Variants in CASK observed in about 807,000 individuals in gnomAD.
CASK encodes peripheral plasma membrane protein CASK.
Under a neutral mutation model 82.9 loss-of-function variants are expected in CASK, and 4 were observed. That is an observed-to-expected ratio of 0.05 (90% CI 0.02 to 0.11). The LOEUF is 0.11. Among genes scored for constraint, CASK ranks in the 10% least tolerant of loss-of-function variants. The probability of loss-of-function intolerance (pLI) is 1.00; values close to 1 mark genes in which losing one functional copy is unlikely to be tolerated. For synonymous variants in CASK, 259 were observed against 253.5 expected, an observed-to-expected ratio of 1.02 and a Z score of -0.20; for missense variants, 358 against 720.9, an observed-to-expected ratio of 0.50 and a Z score of 5.76.
At chrX:41,570,014 T>TC (rs1461259514) in intron 15 of CASK, among the ~76,000 whole-genome samples, 14 of 91,084 alleles carry the variant, frequency 1.5e-4, no homozygotes, top group South Asian at 5.9e-4. Flanking sequence ...TTTTTTCTTT[T>TC]TTTTTTTTTT....
At chrX:41,866,650 T>C (rs1343107121) in intron 1 of CASK, among the ~76,000 whole-genome samples, 6 of 112,038 alleles carry the variant, frequency 5.4e-5, no homozygotes, top group Non-Finnish European at 9.4e-5. Context: ...TTATTCTGGC[T>C]AGCATTAGGA....
At chrX:41,862,542 G>GAAA (rs35462461) in intron 1 of CASK, among the ~76,000 whole-genome samples, 1 of 32,861 alleles carries the variant, frequency 3.0e-5, no homozygotes, top group Non-Finnish European at 5.1e-5. Flanking sequence ...CTCTGTCTCA[G>GAAA]AAAAAAAAAA....
At chrX:41,778,428 A>T (rs1352039609) in intron 3 of CASK, among the ~76,000 whole-genome samples, 2 of 110,463 alleles carry the variant, frequency 1.8e-5, no homozygotes, top group Admixed American at 1.9e-4. Flanking sequence ...ATAGGGTTTC[A>T]CCATGTTGGC....
Position 41,589,768 on chromosome X carries a change from G to A in CASK, c.1156-176C>T, listed in dbSNP as rs755750431. 6.9e-5 allele frequency: 30 copies of A among 433,638 alleles called. No homozygotes were observed. In the South Asian group the frequency reaches 9.7e-4, roughly 14 times the overall value. 35.7% of individuals were successfully genotyped at this position (433,638 alleles called of 1,213,427 possible). ...TGTTCTGTGAAACTTGTCAGAATAT[G>A]AGTCTTATGCATATCTTTTCAAAAA... On this transcript the variant is annotated intron_variant, in intron 12 of 26. Coordinates refer to ENST00000378163, the MANE Select transcript of CASK (RefSeq NM_001367721.1).
At chrX:41,693,243 C>T (rs971293132) in intron 5 of CASK, among the ~76,000 whole-genome samples, 4 of 111,303 alleles carry the variant, frequency 3.6e-5, no homozygotes, top group African/African-American at 1.3e-4. Flanking sequence ...TTTCCTTTTC[C>T]TGGTAATGCA....
chrX:41,540,511 G>A (rs1257685060), intron 22 of CASK, among the ~76,000 whole-genome samples: 1 of 112,543 alleles, frequency 8.9e-6, no homozygotes, highest in African/African-American at 3.2e-5. Flanking sequence ...TTTAGAATTA[G>A]AAAAGATCTC....
chrX:41,676,571 G>A (rs1373546533), intron 5 of CASK: 8 of 818,386 alleles, frequency 9.8e-6, no homozygotes, highest in Non-Finnish European at 1.4e-5. Flanking sequence ...GGCGCCGCTG[G>A]GCCGGGCCTG....
intron 12 of CASK, among the ~76,000 whole-genome samples, chrX:41,609,055 A>T (rs1431719386): frequency 2.7e-5 from 3 of 111,917 alleles, no homozygotes; most frequent in Non-Finnish European, 5.6e-5. Flanking sequence ...AGATATATAA[A>T]TTTTTTCCCA....
chrX:41,615,452 G>A (rs1290663435), intron 11 of CASK, among the ~76,000 whole-genome samples: 1 of 111,472 alleles, frequency 9.0e-6, no homozygotes, highest in Non-Finnish European at 1.9e-5. Context: ...ATCAACAACA[G>A]AATTAAATGA....
At chrX:41,818,489 G>A (rs2070459185) in intron 2 of CASK, among the ~76,000 whole-genome samples, 1 of 109,507 alleles carries the variant, frequency 9.1e-6, no homozygotes, top group Non-Finnish European at 1.9e-5. Flanking sequence ...TGTAGTTCCA[G>A]CTACTCGGGA....
intron 24 of CASK, among the ~76,000 whole-genome samples, chrX:41,533,898 T>C (rs2064840534): frequency 8.9e-6 from 1 of 111,761 alleles, no homozygotes; most frequent in Non-Finnish European, 1.9e-5. Context: ...CCTCAGGTGA[T>C]TCGCCCACCT....
In CASK at chrX:41,555,642, A is replaced by C; in HGVS notation, c.1807-7T>G. On this transcript the variant is annotated splice_polypyrimidine_tract_variant and splice_region_variant and intron_variant, in intron 19 of 26. Transcript: ENST00000378163. ...GGGTAGTTGATGGCAAGTCCTGTAGAATAAAGCCAACCCAGGAGAAAAATT... is the reference window on the plus strand; with the variant it reads ...GGGTAGTTGATGGCAAGTCCTGTAGCATAAAGCCAACCCAGGAGAAAAATT... 1.7e-6 allele frequency: 2 copies of C among 1,192,672 alleles called. No homozygotes were observed. Among genetic ancestry groups the C allele is most frequent in the Non-Finnish European group, 2.3e-6 (2 of 878,152 alleles).
At chrX:41,576,038 G>A (rs553485231) in intron 15 of CASK, among the ~76,000 whole-genome samples, 59 of 108,214 alleles carry the variant, frequency 5.5e-4, no homozygotes, top group Admixed American at 7.9e-4. Context: ...GCAGTGGCGC[G>A]ATCTCGGCTC....
intron 2 of CASK, among the ~76,000 whole-genome samples, chrX:41,827,079 T>C (rs866730973): frequency 8.9e-6 from 1 of 112,072 alleles, no homozygotes; most frequent in African/African-American, 3.2e-5. Flanking sequence ...AGAGATACCA[T>C]ATAAAATTGA....
At chrX:41,591,498 G>A (rs1054751811) in intron 12 of CASK, among the ~76,000 whole-genome samples, 41 of 109,224 alleles carry the variant, frequency 3.8e-4, no homozygotes, top group Admixed American at 2.7e-3. Flanking sequence ...TTTTTGAGGC[G>A]GAGTCTCGCT....
At chrX:41,712,124 C>T (rs1423251302) in intron 5 of CASK, among the ~76,000 whole-genome samples, 1 of 111,707 alleles carries the variant, frequency 9.0e-6, no homozygotes, top group Non-Finnish European at 1.9e-5. Flanking sequence ...AATCCTGCGT[C>T]AAAAAGGTGG....
intron 9 of CASK, among the ~76,000 whole-genome samples, chrX:41,632,136 T>C (rs1402442107): frequency 1.8e-5 from 2 of 111,243 alleles, no homozygotes; most frequent in Non-Finnish European, 3.8e-5. Flanking sequence ...CTTATGTTGC[T>C]CAGGCTCAAA....
At chrX:41,813,827 T>G (rs1283758207) in intron 2 of CASK, among the ~76,000 whole-genome samples, 1 of 111,256 alleles carries the variant, frequency 9.0e-6, no homozygotes, top group Non-Finnish European at 1.9e-5. Flanking sequence ...GGGAGAAAAT[T>G]TTTGCAATCT....
chrX:41,707,840 A>C (rs2067909098), intron 5 of CASK, among the ~76,000 whole-genome samples: 1 of 111,642 alleles, frequency 9.0e-6, no homozygotes, highest in Admixed American at 9.6e-5. Flanking sequence ...AGAGCTGAAT[A>C]AAGAGGGAAT....
Sources: gnomAD v4.1 joint callset for allele counts (sites outside exome capture counted in the v4.1 genomes callset) on GRCh38, gnomAD v4.1.1 for gene constraint, MANE v1.5 for transcripts, NCBI Gene and HGNC (gene_info 2026-07-23, HGNC 2026-07-21) for gene names.